Variants in ABI2 observed in about 807,000 individuals in gnomAD.
ABI2 encodes abelson interactor 2.
In ABI2, 25 loss-of-function variants were observed where a neutral mutation model predicts 59.2. That is an observed-to-expected ratio of 0.42 (90% CI 0.31 to 0.59). The LOEUF is 0.59. Among genes scored for constraint, ABI2 ranks in the 20% least tolerant of loss-of-function variants. The probability of loss-of-function intolerance (pLI) is 0.14; values close to 1 mark genes in which losing one functional copy is unlikely to be tolerated. For synonymous variants in ABI2, 213 were observed against 235.5 expected (o/e 0.90, Z 0.87); for missense variants, 545 against 681.8 (o/e 0.80, Z 2.23).
At chr2:203,339,749 A>G (rs6754063) in intron 1 of ABI2, among the ~76,000 whole-genome samples, 151,660 of 152,292 alleles carry the variant, frequency 1, 75,517 homozygotes, top group East Asian at 1. Flanking sequence ...ATTCATGGTA[A>G]CTAAGATATG....
chr2:203,382,983 A>G (rs1180268169), intron 4 of ABI2, among the ~76,000 whole-genome samples: 3 of 152,194 alleles, frequency 2.0e-5, no homozygotes, highest in African/African-American at 7.2e-5. Flanking sequence ...AGGATTCGTG[A>G]TAAAAGAAAT....
At chr2:203,377,525 A>G (rs921603131) in intron 2 of ABI2, among the ~76,000 whole-genome samples, 1 of 152,248 alleles carries the variant, frequency 6.6e-6, no homozygotes, top group South Asian at 2.1e-4. Flanking sequence ...TTATAAAAAA[A>G]GTGTCATATT....
At chr2:203,418,614 G>A (rs2098026106) in intron 11 of ABI2, among the ~76,000 whole-genome samples, 2 of 152,196 alleles carry the variant, frequency 1.3e-5, no homozygotes, top group African/African-American at 2.4e-5. Flanking sequence ...AGCAAGAAGC[G>A]CCAAAAAGAG....
chr2:203,363,607 C>T (rs2093871238), intron 1 of ABI2, among the ~76,000 whole-genome samples: 1 of 152,132 alleles, frequency 6.6e-6, no homozygotes, highest in Non-Finnish European at 1.5e-5. Flanking sequence ...TAATTTTTAA[C>T]TCCCACAAAT....
chr2:203,337,209 C>G (rs1049552490), intron 1 of ABI2, among the ~76,000 whole-genome samples: 1 of 152,174 alleles, frequency 6.6e-6, no homozygotes, highest in African/African-American at 2.4e-5. Context: ...TAAATTGTCT[C>G]TGTTTGCAAA....
intron 4 of ABI2, among the ~76,000 whole-genome samples, chr2:203,387,326 G>A (rs999342706): frequency 2.0e-5 from 3 of 152,180 alleles, no homozygotes; most frequent in African/African-American, 7.2e-5. Context: ...AGAAGGTAGA[G>A]CAGGATAGGT....
intron 9 of ABI2, among the ~76,000 whole-genome samples, 167 bp from the exon 10 acceptor site, chr2:203,411,118 G>GT (rs2153508120): frequency 6.6e-6 from 1 of 152,118 alleles, no homozygotes; most frequent in South Asian, 2.1e-4. Flanking sequence ...CCAGTACTTT[G>GT]TTTGTGTTAA....
intron 1 of ABI2, among the ~76,000 whole-genome samples, chr2:203,332,209 AT>A: frequency 6.6e-6 from 1 of 152,384 alleles, no homozygotes; most frequent in Non-Finnish European, 1.5e-5. Context: ...ATAAACAGGT[AT>A]AACTACAGTT....
At chr2:203,394,966 A>G (rs943780406) in intron 6 of ABI2, 120 bp downstream of exon 6, 1 of 1,128,826 alleles carries the variant, frequency 8.9e-7, no homozygotes, top group Non-Finnish European at 1.3e-6. Context: ...TATTCTCCCA[A>G]ACCTCATCTG....
intron 1 of ABI2, among the ~76,000 whole-genome samples, chr2:203,354,893 A>G (rs1187083235): frequency 6.6e-6 from 1 of 152,220 alleles, no homozygotes; most frequent in Non-Finnish European, 1.5e-5. Context: ...ATGGTGTGGA[A>G]TAAAGGTAGT....
At chr2:203,420,216 T>C (rs937506824) in intron 11 of ABI2, among the ~76,000 whole-genome samples, 1 of 152,208 alleles carries the variant, frequency 6.6e-6, no homozygotes, top group Non-Finnish European at 1.5e-5. Context: ...CTTTACAGTT[T>C]ATGAGCATTA....
At chr2:203,354,648 A>G (rs184160742) in intron 1 of ABI2, among the ~76,000 whole-genome samples, 26 of 152,362 alleles carry the variant, frequency 1.7e-4, no homozygotes, top group African/African-American at 6.0e-4. Flanking sequence ...AATAGCCAGC[A>G]TATTAGCATT....
In ABI2 at chr2:203,392,314, CCAACAACAACAA is replaced by C. The variant is rs150870167; in HGVS notation, c.578+1190_578+1201del. ...ACCACCACCACCACCACCACCACCA[CCAACAACAACAA>C]CAACAACAACAACAACAAAACAACC... On this transcript the variant is annotated intron_variant, in intron 5 of 11. Coordinates refer to ENST00000261018, the MANE Select transcript of ABI2 (RefSeq NM_001375670.1). Among the ~76,000 whole-genome samples the C allele has an allele frequency of 9.2e-4, 114 of 123,302 alleles. 2 individuals are homozygous for C. Among genetic ancestry groups the C allele is most frequent in the Middle Eastern group, 3.8e-3 (1 of 264 alleles). The allele number at this position is 123,302 out of a possible 152,430, so 80.9% of individuals were successfully genotyped here. A position where few individuals can be genotyped will look rare whatever the true frequency, so the allele number is the denominator to read the frequency against.
chr2:203,391,854 T>G (rs904966244), intron 5 of ABI2, among the ~76,000 whole-genome samples: 1 of 151,890 alleles, frequency 6.6e-6, no homozygotes. Flanking sequence ...ATATGGAGCT[T>G]TATTTTGGTC....
At position 203,404,622 on chromosome 2, in the gene ABI2, A is replaced by T. The variant is rs558958147; in HGVS notation, c.1192+1888A>T. ...CACCCAGGCTGGAGTGCAGTGGTAC[A>T]ATCTCGGCTCACTGCAACCTCTACC... On this transcript the variant is annotated intron_variant, in intron 9 of 11. Transcript: ENST00000261018. Among the ~76,000 whole-genome samples the T allele has an allele frequency of 1.3e-3, 205 of 152,244 alleles. 1 individual carries two copies. The highest frequency in any genetic ancestry group is 3.4e-3 in the Middle Eastern group (1 of 294).
At position 203,398,693 on chromosome 2, in the gene ABI2, C is replaced by T. The variant is rs59217427; in HGVS notation, c.1033+1726C>T. Among the ~76,000 whole-genome samples, 7 of 152,246 alleles carry T rather than the reference C, an allele frequency of 4.6e-5. No homozygotes were observed. In the East Asian group the frequency reaches 1.4e-3, roughly 29 times the overall value. On this transcript the variant is annotated intron_variant, in intron 8 of 11. Transcript: ENST00000261018. ...ATCATCGCAAAAATTTCCTCCATGCCCCCTTTATAGTCAGTCCTTCCCTTC... is the reference window on the plus strand; with the variant it reads ...ATCATCGCAAAAATTTCCTCCATGCTCCCTTTATAGTCAGTCCTTCCCTTC...
chr2:203,373,661 T>C, intron 2 of ABI2, among the ~76,000 whole-genome samples: 1 of 152,142 alleles, frequency 6.6e-6, no homozygotes, highest in East Asian at 1.9e-4. Context: ...ATAAAGAACT[T>C]AAGAAAGTAG....
At chr2:203,351,175 TTCTGGAC>T (rs2088085406) in intron 1 of ABI2, among the ~76,000 whole-genome samples, 1 of 152,192 alleles carries the variant, frequency 6.6e-6, no homozygotes, top group Admixed American at 6.5e-5. Context: ...GCAGTTTTAT[TTCTGGAC>T]TCTGAATTCC....
intron 2 of ABI2, 76 bp downstream of exon 2, chr2:203,367,120 G>C: frequency 7.0e-7 from 1 of 1,431,576 alleles, no homozygotes; most frequent in East Asian, 2.5e-5. Context: ...AATGCTGGCA[G>C]CTTTTATTAT....
Sources: gnomAD v4.1 joint callset for allele counts (sites outside exome capture counted in the v4.1 genomes callset) on GRCh38, gnomAD v4.1.1 for gene constraint, MANE v1.5 for transcripts, NCBI Gene and HGNC (gene_info 2026-07-23, HGNC 2026-07-21) for gene names.